The following CASS4 variants were observed in gnomAD, a reference collection of about 807,000 sequenced individuals.
CASS4 encodes cas scaffolding protein family member 4.
Under a neutral mutation model 54.2 loss-of-function variants are expected in CASS4, and 22 were observed. The ratio of observed to expected loss-of-function variants is 0.41; its 90% CI spans 0.29 to 0.58. The LOEUF is 0.58. CASS4 is among the 20% of genes least tolerant of loss of function. The probability of loss-of-function intolerance (pLI) is 0.36; values close to 1 mark genes in which losing one functional copy is unlikely to be tolerated. For missense variants in CASS4, 854 were observed against 986.7 expected (o/e 0.87, Z 1.80); for synonymous variants, 409 against 391.5 (o/e 1.04, Z -0.53).
chr20:56,458,920 C>T lies in CASS4; in HGVS notation c.*173C>T. ...TAAGCAACCCCAGGGCATTGACTTA[C>T]CCCGCAGGGGGTCAGGAAAGAGAGT... On this transcript the variant is annotated 3_prime_UTR_variant, in exon 6 of 6. Coordinates refer to ENST00000679887, the MANE Select transcript of CASS4 (RefSeq NM_020356.4). The T allele has an allele frequency of 1.6e-6, 1 of 621,668 alleles. No homozygotes were observed. Among genetic ancestry groups the T allele is most frequent in the Non-Finnish European group, 2.8e-6 (1 of 360,702 alleles). The allele number at this position is 621,668 out of a possible 1,614,324, so 38.5% of individuals were successfully genotyped here.
At position 56,451,797 on chromosome 20, in the gene CASS4, A is replaced by T. The variant is rs1429013112; in HGVS notation, c.643-22A>T. ...TCTTTGGAAAGCTACTAACCCGGCA[A>T]CTATGTGTGGTTCTCCCACAGGGGC... On this transcript the variant is annotated intron_variant, in intron 4 of 5. Transcript: ENST00000679887. 9 of 1,579,730 alleles carry T rather than the reference A, an allele frequency of 5.7e-6. No individual in the cohort carries two copies. In the Admixed American group the frequency reaches 1.0e-4, roughly 18 times the overall value.
At chr20:56,420,228 T>A (rs941578667) in intron 1 of CASS4, among the ~76,000 whole-genome samples, 8 of 152,178 alleles carry the variant, frequency 5.3e-5, no homozygotes, top group African/African-American at 1.9e-4. Flanking sequence ...GAGCAGCTTT[T>A]GTTTGCTCTA....
At chr20:56,448,242 A>G (rs1980823592) in intron 3 of CASS4, among the ~76,000 whole-genome samples, 1 of 152,078 alleles carries the variant, frequency 6.6e-6, no homozygotes, top group Non-Finnish European at 1.5e-5. Flanking sequence ...GTCTTTATGT[A>G]AAACTGTGAC....
At chr20:56,418,131 A>G (rs1979233627) in intron 1 of CASS4, among the ~76,000 whole-genome samples, 1 of 152,184 alleles carries the variant, frequency 6.6e-6, no homozygotes, top group Non-Finnish European at 1.5e-5. Context: ...GTGAGTAAAT[A>G]GACCCATGGT....
intron 1 of CASS4, among the ~76,000 whole-genome samples, chr20:56,432,902 GT>G (rs199744178): frequency 2.0e-5 from 3 of 151,980 alleles, no homozygotes; most frequent in African/African-American, 7.3e-5. Context: ...GGGCAGGGGC[GT>G]CACAGAAATC....
At chr20:56,455,329 CTTGTAAAGG>C (rs1370700745) in intron 5 of CASS4, among the ~76,000 whole-genome samples, 2 of 152,084 alleles carry the variant, frequency 1.3e-5, no homozygotes, top group East Asian at 1.9e-4. Context: ...AAGAGTATAA[CTTGTAAAGG>C]TTGTAAAGGT....
At chr20:56,441,748 ACCTCCC>A (rs1417028695) in intron 2 of CASS4, among the ~76,000 whole-genome samples, 3 of 151,886 alleles carry the variant, frequency 2.0e-5, no homozygotes, top group African/African-American at 7.3e-5. Flanking sequence ...GTGATTGGGG[ACCTCCC>A]AACACCCTTT....
intron 5 of CASS4, among the ~76,000 whole-genome samples, chr20:56,457,614 A>G (rs2870741): frequency 0.4 from 61,181 of 151,718 alleles, 13,329 homozygotes; most frequent in East Asian, 0.93. Flanking sequence ...GAGAGTTCTG[A>G]TATATCTCTG....
chr20:56,426,422 C>T (rs1237020698), intron 1 of CASS4, among the ~76,000 whole-genome samples: 1 of 152,206 alleles, frequency 6.6e-6, no homozygotes, highest in East Asian at 1.9e-4. Flanking sequence ...GTGGACAAGA[C>T]TGACACAGTT....
At chr20:56,447,548 C>G (rs1038119781) in intron 3 of CASS4, among the ~76,000 whole-genome samples, 1 of 152,224 alleles carries the variant, frequency 6.6e-6, no homozygotes, top group Non-Finnish European at 1.5e-5. Flanking sequence ...CAAGCTGATT[C>G]TTTCTCTTCT....
At chr20:56,433,328 G>A (rs112798534) in intron 1 of CASS4, among the ~76,000 whole-genome samples, 5 of 152,312 alleles carry the variant, frequency 3.3e-5, no homozygotes, top group African/African-American at 1.2e-4. Context: ...CTGCTTTGGG[G>A]TAGAGAGAAC....
rs1386546629 is a variant in CASS4 at position 56,437,150 on chromosome 20, C to T, written c.37-14C>T. On this transcript the variant is annotated splice_polypyrimidine_tract_variant and intron_variant, in intron 1 of 5. Transcript: ENST00000679887. This position sits in a 1 kb window ranked among gnomAD's most constrained non-coding sequence, Gnocchi z 4.7. ...TGCTAACTGCAAATTCTCTTCTCCC[C>T]TCTCCACCCACAGGCACTCCTGGCC... is the stretch of plus-strand genomic sequence containing the variant. 6.6e-7 allele frequency: 1 copy of T among 1,526,696 alleles called. No homozygotes were observed. The allele number at this position is 1,526,696 out of a possible 1,614,324, so 94.6% of individuals were successfully genotyped here.
In CASS4 at chr20:56,458,518, T is replaced by C. The variant is rs1460263521; in HGVS notation, c.2132T>C (p.Met711Thr). ...ATCACTCAGAGCAAGCTGGTCATCATGGTGGGACAGAAGCTGGTGGACACG... is the reference window on the plus strand; with the variant it reads ...ATCACTCAGAGCAAGCTGGTCATCACGGTGGGACAGAAGCTGGTGGACACG... Reference protein sequence around the residue: ...EIITQSKLVIMVGQKLVDTLC... With the variant: ...EIITQSKLVITVGQKLVDTLC... The change falls in exon 6 of 6, where the codon ATG becomes ACG. Residue 711 changes from methionine (M) to threonine (T), a missense_variant. Physicochemically the swap from Met to Thr is moderately conservative, Grantham distance 81. Transcript: ENST00000679887. 1 of 1,614,118 alleles carries C rather than the reference T, an allele frequency of 6.2e-7. No individual in the cohort carries two copies. Among genetic ancestry groups the C allele is most frequent in the Non-Finnish European group, 8.5e-7 (1 of 1,180,032 alleles).
chr20:56,454,920 G>A (rs1600777688), intron 5 of CASS4, among the ~76,000 whole-genome samples: 2 of 152,208 alleles, frequency 1.3e-5, no homozygotes, highest in East Asian at 1.9e-4. Context: ...TCTAATGAAC[G>A]AACCCCAGGG....
rs1160251222 is a variant in CASS4 at position 56,437,683 on chromosome 20, C to T, written c.459+97C>T. The T allele has an allele frequency of 2.2e-5, 25 of 1,159,778 alleles. No homozygotes were observed. Among genetic ancestry groups the T allele is most frequent in the Non-Finnish European group, 2.8e-5 (24 of 843,884 alleles). 71.8% of individuals were successfully genotyped at this position (1,159,778 alleles called of 1,614,324 possible). ...AGGCATGGGTGTCCTTCAGATCAAACACGCAAAACGGGAGCCCAGATTGCT... is the reference window on the plus strand; with the variant it reads ...AGGCATGGGTGTCCTTCAGATCAAATACGCAAAACGGGAGCCCAGATTGCT... On this transcript the variant is annotated intron_variant, in intron 2 of 5. Transcript: ENST00000679887. This position sits in a 1 kb window ranked among gnomAD's most constrained non-coding sequence, Gnocchi z 4.7.
chr20:56,434,813 A>T (rs1360573461), intron 1 of CASS4, among the ~76,000 whole-genome samples: 1 of 152,164 alleles, frequency 6.6e-6, no homozygotes, highest in Non-Finnish European at 1.5e-5. Context: ...ATGCCATTAG[A>T]TTTTAAAACT....
At chr20:56,454,479 A>T (rs950139708) in intron 5 of CASS4, among the ~76,000 whole-genome samples, 3 of 152,220 alleles carry the variant, frequency 2.0e-5, no homozygotes, top group Admixed American at 6.5e-5. Context: ...GGCCATGTTG[A>T]TAGGCAAAAT....
chr20:56,442,825 G>A lies in CASS4; in HGVS notation c.460-3075G>A, dbSNP rs75637883. Among the ~76,000 whole-genome samples, 116 of 151,860 alleles carry A rather than the reference G, an allele frequency of 7.6e-4. 4 individuals are homozygous for A. The highest frequency in any genetic ancestry group is 2.0e-3 in the Admixed American group (31 of 15,280). On this transcript the variant is annotated intron_variant, in intron 2 of 5. Coordinates refer to ENST00000679887, the MANE Select transcript of CASS4 (RefSeq NM_020356.4). The stretch of plus-strand genomic sequence containing the variant: ...TTCCTTCTGTCTCCCTAAACCTTTC[G>A]AAACTGTGTTTCTCAAACATGTTCC...
chr20:56,413,591 T>C, intron 1 of CASS4, among the ~76,000 whole-genome samples: 1 of 146,878 alleles, frequency 6.8e-6, no homozygotes, highest in Non-Finnish European at 1.5e-5. Flanking sequence ...AAGAATCGCT[T>C]GAGCCTGGGA....
Sources: gnomAD v4.1 joint callset for allele counts (sites outside exome capture counted in the v4.1 genomes callset) on GRCh38, gnomAD v4.1.1 for gene constraint, Gnocchi (gnomAD v3.1) non-coding constraint, MANE v1.5 for transcripts, NCBI Gene and HGNC (gene_info 2026-07-23, HGNC 2026-07-21) for gene names.